Variants in CAMTA1 observed in about 807,000 individuals in gnomAD.
The protein encoded by CAMTA1 is calmodulin binding transcription activator 1.
In CAMTA1, 27 loss-of-function variants were observed where a neutral mutation model predicts 170.9. The observed-to-expected ratio is 0.16, with a 90% CI of 0.12 to 0.22. CAMTA1 has a LOEUF of 0.22. Ranked by LOEUF, CAMTA1 falls within the 10% of genes least tolerant of loss-of-function variation. CAMTA1 has a pLI of 1.00. For missense variants in CAMTA1, 1,619 were observed against 2,217.2 expected, an observed-to-expected ratio of 0.73 and a Z score of 5.42; for synonymous variants, 833 against 891.5, an observed-to-expected ratio of 0.93 and a Z score of 1.17.
chr1:7,639,108 C>T (rs1054160506), intron 6 of CAMTA1, among the ~76,000 whole-genome samples: 8 of 151,956 alleles, frequency 5.3e-5, no homozygotes, highest in African/African-American at 1.9e-4. Flanking sequence ...CCTCCCAAGT[C>T]GCTGGGACTA....
At chr1:7,428,554 G>A (rs540089770) in intron 5 of CAMTA1, among the ~76,000 whole-genome samples, 5 of 152,150 alleles carry the variant, frequency 3.3e-5, no homozygotes, top group African/African-American at 1.2e-4. Context: ...GATAGGTCAG[G>A]GCTCTGCAGT....
chr1:7,179,306 A>G (rs898334972), intron 4 of CAMTA1, among the ~76,000 whole-genome samples: 2 of 152,266 alleles, frequency 1.3e-5, no homozygotes, highest in African/African-American at 4.8e-5. Flanking sequence ...ATGCAGAGAA[A>G]ACCACTAATA....
chr1:7,669,093 C>A (rs2096030635), intron 9 of CAMTA1, among the ~76,000 whole-genome samples: 1 of 152,202 alleles, frequency 6.6e-6, no homozygotes, highest in African/African-American at 2.4e-5. Context: ...CAAGGAGATG[C>A]CACCCAGAGA....
intron 5 of CAMTA1, among the ~76,000 whole-genome samples, chr1:7,439,417 A>G (rs146397678): frequency 9.2e-5 from 14 of 152,184 alleles, no homozygotes; most frequent in African/African-American, 2.4e-4. Context: ...CCGAGTGGAC[A>G]CTACCCTGAA....
intron 1 of CAMTA1, among the ~76,000 whole-genome samples, chr1:6,807,674 C>G (rs1490883211): frequency 3.3e-5 from 5 of 149,318 alleles, no homozygotes; most frequent in African/African-American, 1.2e-4. Context: ...GAGCTGAGAT[C>G]GTGCCACTGC....
At chr1:7,646,461 C>T (rs1254665178) in intron 7 of CAMTA1, among the ~76,000 whole-genome samples, 1 of 144,122 alleles carries the variant, frequency 6.9e-6, no homozygotes, top group African/African-American at 2.6e-5. Flanking sequence ...GGATGGAGGC[C>T]CTGGTGACTG....
intron 11 of CAMTA1, among the ~76,000 whole-genome samples, chr1:7,731,148 A>G (rs1257767569): frequency 6.6e-6 from 1 of 152,142 alleles, no homozygotes; most frequent in African/African-American, 2.4e-5. Context: ...TTCTAATCTT[A>G]GTAAAGTGGT....
intron 5 of CAMTA1, among the ~76,000 whole-genome samples, chr1:7,281,800 TGTG>T (rs1671548793): frequency 1.4e-4 from 1 of 7,066 alleles, no homozygotes; most frequent in Admixed American, 2.2e-3. Flanking sequence ...GGAAAGAAAT[TGTG>T]TGTGTGTGTG....
chr1:7,091,567 G>A lies in CAMTA1; in HGVS notation c.302+196G>A, dbSNP rs145879542. Among the ~76,000 whole-genome samples the A allele has an allele frequency of 7.2e-5, 11 of 152,322 alleles. No homozygotes were observed. The East Asian group carries it at 2.1e-3, about 29-fold the overall frequency. On this transcript the variant is annotated intron_variant, in intron 4 of 22. Coordinates refer to ENST00000303635, the MANE Select transcript of CAMTA1 (RefSeq NM_015215.4). ...AATACGATCAGATGGATTAAAAAGA[G>A]TGCAAGTGCCATCCGCCAGTTGGAA... is the stretch of plus-strand genomic sequence containing the variant.
rs140046939 is a variant in CAMTA1 at position 7,567,483 on chromosome 1, G to A, written c.511-72917G>A. The stretch of plus-strand genomic sequence containing the variant: ...AGCAGTGGGACAGGGAAATGGTGGC[G>A]TCAACACAGGTGGTGGCCGATGACA... On this transcript the variant is annotated intron_variant, in intron 6 of 22. Transcript: ENST00000303635. 9.2e-3 allele frequency among the ~76,000 whole-genome samples: 1,402 copies of A among 152,334 alleles called. 19 individuals are homozygous for A. The highest frequency in any genetic ancestry group is 0.031 in the African/African-American group (1,299 of 41,560).
At chr1:7,421,019 C>T (rs563735344) in intron 5 of CAMTA1, among the ~76,000 whole-genome samples, 1 of 152,376 alleles carries the variant, frequency 6.6e-6, no homozygotes, top group South Asian at 2.1e-4. Flanking sequence ...GTCTCTTGAC[C>T]TGAGAAAAGC....
At chr1:7,764,990 A>G (rs529375532) in intron 22 of CAMTA1, among the ~76,000 whole-genome samples, 1 of 152,222 alleles carries the variant, frequency 6.6e-6, no homozygotes, top group Admixed American at 6.5e-5. Context: ...CTTTACTGGT[A>G]TAACTTAAGA....
intron 5 of CAMTA1, among the ~76,000 whole-genome samples, chr1:7,409,120 T>C (rs2090516079): frequency 6.6e-6 from 1 of 152,154 alleles, no homozygotes; most frequent in South Asian, 2.1e-4. Context: ...GCCCAAGGGC[T>C]CTGACCTCCC....
chr1:7,418,545 G>C (rs1351285734), intron 5 of CAMTA1, among the ~76,000 whole-genome samples: 1 of 152,118 alleles, frequency 6.6e-6, no homozygotes, highest in Non-Finnish European at 1.5e-5. Flanking sequence ...GACCTGAAAG[G>C]CTATCTCTGT....
chr1:7,716,637 A>G (rs895553118), intron 11 of CAMTA1, among the ~76,000 whole-genome samples: 1 of 41,334 alleles, frequency 2.4e-5, no homozygotes, highest in African/African-American at 8.4e-5. Flanking sequence ...TTAGCAAGAC[A>G]GTTAGCACCG....
At chr1:7,646,626 G>A (rs2095807532) in intron 7 of CAMTA1, among the ~76,000 whole-genome samples, 1 of 150,634 alleles carries the variant, frequency 6.6e-6, no homozygotes, top group African/African-American at 2.4e-5. Flanking sequence ...TGGTGAGTGT[G>A]AGCAGAGGCC....
chr1:6,877,878 G>A (rs975163216), intron 3 of CAMTA1, among the ~76,000 whole-genome samples: 5 of 152,166 alleles, frequency 3.3e-5, no homozygotes, highest in Non-Finnish European at 7.4e-5. Context: ...ACCAAGGTTT[G>A]ACCTGGGATC....
chr1:7,084,750 G>T (rs184600532), intron 3 of CAMTA1, among the ~76,000 whole-genome samples: 1 of 152,318 alleles, frequency 6.6e-6, no homozygotes, highest in East Asian at 1.9e-4. Context: ...CATCCAGTAC[G>T]GCGGCCATGT....
At chr1:7,687,734 G>A (rs2096270962) in intron 11 of CAMTA1, among the ~76,000 whole-genome samples, 2 of 152,180 alleles carry the variant, frequency 1.3e-5, no homozygotes, top group South Asian at 4.1e-4. Context: ...TCGTGGAGAT[G>A]TCCCACATCT....
Sources: gnomAD v4.1 joint callset for allele counts (sites outside exome capture counted in the v4.1 genomes callset) on GRCh38, gnomAD v4.1.1 for gene constraint, MANE v1.5 for transcripts, NCBI Gene and HGNC (gene_info 2026-07-23, HGNC 2026-07-21) for gene names.